SMIM8: variants seen among roughly 807,000 people sequenced by gnomAD.
SMIM8 encodes UPF0708 protein C6orf162.
A neutral mutation model predicts 8.1 loss-of-function variants in SMIM8; 8 were observed. That is an observed-to-expected ratio of 0.99 (90% CI 0.58 to 1.78). SMIM8 has a LOEUF of 1.78. SMIM8 is among the 40% of genes most tolerant of loss of function. The pLI, the probability that SMIM8 is intolerant of heterozygous loss-of-function variation, is 0.00. For synonymous variants in SMIM8, 45 were observed against 39.7 expected (o/e 1.13, Z -0.50); for missense variants, 126 against 119.8 (o/e 1.05, Z -0.24).
chr6:87,327,928 A>T (rs1433072154), intron 1 of SMIM8, among the ~76,000 whole-genome samples: 1 of 149,876 alleles, frequency 6.7e-6, no homozygotes, highest in African/African-American at 2.5e-5. Flanking sequence ...ACATAGTCCC[A>T]TATTTCTTGG....
chr6:87,325,694 C>G (rs1411794666), intron 1 of SMIM8, among the ~76,000 whole-genome samples: 2 of 151,946 alleles, frequency 1.3e-5, no homozygotes, highest in Non-Finnish European at 2.9e-5. Flanking sequence ...ATTTTTGCAT[C>G]AATGTTCATC....
chr6:87,339,413 CGTGTGTGTGTGTGTGTGTGTGTTTGT>C lies in SMIM8; in HGVS notation c.136-680_136-655del, dbSNP rs1301992112. 1.2e-3 allele frequency among the ~76,000 whole-genome samples: 109 copies of C among 88,476 alleles called. 1 individual carries two copies. Among genetic ancestry groups the C allele is most frequent in the African/African-American group, 5.0e-3 (104 of 20,860 alleles). The allele number at this position is 88,476 out of a possible 152,430, so 58.0% of individuals were successfully genotyped here. On this transcript the variant is annotated intron_variant, in intron 3 of 3. Transcript: ENST00000392863. Reference sequence around the variant, plus strand: ...ACCTCTTAACAACAACAAAACACAGCGTGTGTGTGTGTGTGTGTGTGTTTGTGTGTGTGTGTGTGTGTGTGTGTGTT... The same window carrying C: ...ACCTCTTAACAACAACAAAACACAGCGTGTGTGTGTGTGTGTGTGTGTGTT...
intron 1 of SMIM8, among the ~76,000 whole-genome samples, chr6:87,328,889 C>T (rs1445901815): frequency 1.8e-4 from 28 of 152,214 alleles, no homozygotes; most frequent in Admixed American, 1.8e-3. Context: ...GACTGCTGTG[C>T]TAGCAATCAG....
intron 2 of SMIM8, among the ~76,000 whole-genome samples, chr6:87,334,032 T>G (rs567978881): frequency 1.3e-5 from 2 of 152,236 alleles, no homozygotes; most frequent in East Asian, 3.9e-4. Context: ...TGTCACATGG[T>G]GAGACAGGAA....
At chr6:87,340,066 C>T in intron 3 of SMIM8, 50 bp from the exon 4 acceptor site, 3 of 1,437,690 alleles carry the variant, frequency 2.1e-6, no homozygotes, top group East Asian at 2.5e-5. Flanking sequence ...TTTGGGTCTC[C>T]TCAAATTGTT....
At chr6:87,327,132 C>G (rs940935925) in intron 1 of SMIM8, among the ~76,000 whole-genome samples, 1 of 151,538 alleles carries the variant, frequency 6.6e-6, no homozygotes, top group African/African-American at 2.4e-5. Flanking sequence ...AGATGTTCCT[C>G]CATCCTTTTA....
chr6:87,326,521 T>C (rs185449830), intron 1 of SMIM8, among the ~76,000 whole-genome samples: 1 of 151,870 alleles, frequency 6.6e-6, no homozygotes, highest in Non-Finnish European at 1.5e-5. Context: ...CAGTTCGTTA[T>C]GTACCCAGTA....
At chr6:87,328,615 A>T (rs1376601730) in intron 1 of SMIM8, among the ~76,000 whole-genome samples, 1 of 152,258 alleles carries the variant, frequency 6.6e-6, no homozygotes, top group African/African-American at 2.4e-5. Context: ...CTGTTCTCAG[A>T]TCTCCAGCTG....
At chr6:87,330,563 T>C (rs529655152) in intron 1 of SMIM8, 129 bp from the exon 2 acceptor site, 11 of 152,126 alleles carry the variant, frequency 7.2e-5, no homozygotes, top group Non-Finnish European at 1.3e-4. Context: ...CCTCTCACAT[T>C]GTGTGTTATT....
At position 87,341,424 on chromosome 6, in the gene SMIM8, T is replaced by G. The variant is rs1777231674; in HGVS notation, c.*1150T>G. The G allele has an allele frequency of 7.6e-6, 3 of 396,696 alleles. No individual in the cohort carries two copies. The highest frequency in any genetic ancestry group is 8.9e-6 in the Non-Finnish European group (2 of 225,092). The allele number at this position is 396,696 out of a possible 1,614,324, so 24.6% of individuals were successfully genotyped here. On this transcript the variant is annotated 3_prime_UTR_variant, in exon 4 of 4. Coordinates refer to ENST00000392863, the MANE Select transcript of SMIM8 (RefSeq NM_001042493.3). ...CAGAGGTCAAGGCTAGGCCCCTGTG[T>G]CTGGCCAGATTCTGCCTTATAGAAT...
Position 87,324,653 on chromosome 6 carries a change from T to C in SMIM8, c.-45+2021T>C, listed in dbSNP as rs566338540. Among the ~76,000 whole-genome samples the C allele has an allele frequency of 9.4e-4, 54 of 57,170 alleles. No individual in the cohort carries two copies. The East Asian group carries it at 0.028, about 29-fold the overall frequency. 37.5% of individuals were successfully genotyped at this position (57,170 alleles called of 152,430 possible). A position where few individuals can be genotyped will look rare whatever the true frequency, so the allele number is the denominator to read the frequency against. On this transcript the variant is annotated intron_variant, in intron 1 of 3. Transcript: ENST00000392863. ...TATCTCTGTTTTGGTACCAGTACCA[T>C]GCTGTTTTGGTTACTGTAGCCTTGT...
In SMIM8 at chr6:87,341,390, G is replaced by A; in HGVS notation, c.*1116G>A. ...TGGTTGTCCTGGCACCTGGCCCAGG[G>A]GCCTAGGACAGAGGTCAAGGCTAGG... is the stretch of plus-strand genomic sequence containing the variant. On this transcript the variant is annotated 3_prime_UTR_variant, in exon 4 of 4. Transcript: ENST00000392863. The A allele has an allele frequency of 2.5e-6, 1 of 397,792 alleles. No homozygotes were observed. Among genetic ancestry groups the A allele is most frequent in the Non-Finnish European group, 4.4e-6 (1 of 225,612 alleles). 24.6% of individuals were successfully genotyped at this position (397,792 alleles called of 1,614,324 possible).
At chr6:87,323,283 T>TTTG (rs1776717330) in intron 1 of SMIM8, among the ~76,000 whole-genome samples, 1 of 152,152 alleles carries the variant, frequency 6.6e-6, no homozygotes, top group South Asian at 2.1e-4. Flanking sequence ...TATTTATTTA[T>TTTG]TTGTTATTAT....
At chr6:87,322,751 G>C (rs1776699666) in intron 1 of SMIM8, 119 bp downstream of exon 1, 2 of 152,230 alleles carry the variant, frequency 1.3e-5, no homozygotes, top group South Asian at 4.1e-4. Flanking sequence ...CTCCCTCCCA[G>C]GGAGGGAGCG....
intron 1 of SMIM8, among the ~76,000 whole-genome samples, chr6:87,327,877 C>G (rs1776869316): frequency 6.7e-6 from 1 of 150,110 alleles, no homozygotes; most frequent in Non-Finnish European, 1.5e-5. Context: ...TTCTCCCCGT[C>G]ACTTTCAGGT....
chr6:87,325,966 G>T (rs186695178), intron 1 of SMIM8, among the ~76,000 whole-genome samples: 1 of 152,184 alleles, frequency 6.6e-6, no homozygotes, highest in East Asian at 1.9e-4. Flanking sequence ...TCTATTAAGA[G>T]ATTCAACTTC....
At chr6:87,328,209 C>G (rs917381219) in intron 1 of SMIM8, among the ~76,000 whole-genome samples, 1 of 152,170 alleles carries the variant, frequency 6.6e-6, no homozygotes, top group Non-Finnish European at 1.5e-5. Context: ...AATTTCCTCC[C>G]GTAGCTCGGA....
chr6:87,330,806 CTA>C (rs1236939329), intron 2 of SMIM8, 94 bp downstream of exon 2: 1 of 151,700 alleles, frequency 6.6e-6, no homozygotes, highest in Non-Finnish European at 1.5e-5. Flanking sequence ...CTACTCTCCT[CTA>C]TTTTTTTTTT....
At chr6:87,325,067 T>A (rs997120661) in intron 1 of SMIM8, among the ~76,000 whole-genome samples, 2 of 150,360 alleles carry the variant, frequency 1.3e-5, no homozygotes, top group African/African-American at 4.8e-5. Flanking sequence ...TTTGGCTCTC[T>A]GTTTGTTGCT....
Sources: allele counts gnomAD v4.1 joint callset (sites outside exome capture counted in the v4.1 genomes callset), GRCh38; gene constraint gnomAD v4.1.1; transcripts MANE v1.5; gene names NCBI Gene and HGNC (gene_info 2026-07-23, HGNC 2026-07-21).